Variants in GXYLT1 observed in about 807,000 individuals in gnomAD.
GXYLT1 encodes the protein glucoside xylosyltransferase 1.
A neutral mutation model predicts 54.0 loss-of-function variants in GXYLT1; 29 were observed. The ratio of observed to expected loss-of-function variants is 0.54; its 90% CI spans 0.40 to 0.73. The LOEUF is 0.73. GXYLT1 is among the 30% of genes least tolerant of loss of function. The probability of loss-of-function intolerance (pLI) is 0.00; values close to 1 mark genes in which losing one functional copy is unlikely to be tolerated. For synonymous variants in GXYLT1, 176 were observed against 204.1 expected, an observed-to-expected ratio of 0.86 and a Z score of 1.17; for missense variants, 490 against 553.4, an observed-to-expected ratio of 0.89 and a Z score of 1.15.
chr12:42,123,890 A>C (rs1289780780), intron 2 of GXYLT1, among the ~76,000 whole-genome samples: 1 of 151,926 alleles, frequency 6.6e-6, no homozygotes, highest in African/African-American at 2.4e-5. Context: ...AAGAAAAACA[A>C]CACCTTTTTC....
chr12:42,107,429 G>A (rs960888950), intron 4 of GXYLT1, among the ~76,000 whole-genome samples: 3 of 152,154 alleles, frequency 2.0e-5, no homozygotes, highest in East Asian at 1.9e-4. Context: ...GGTGGCTCAC[G>A]CCTGTAATCC....
At chr12:42,116,478 G>A (rs2065495837) in intron 3 of GXYLT1, among the ~76,000 whole-genome samples, 1 of 152,204 alleles carries the variant, frequency 6.6e-6, no homozygotes, top group Non-Finnish European at 1.5e-5. Flanking sequence ...GATATCAACA[G>A]ACACTTCTCA....
rs2065323005 is a variant in GXYLT1 at position 42,090,415 on chromosome 12, C to G, written c.1162-2468G>C. 3.3e-5 allele frequency among the ~76,000 whole-genome samples: 5 copies of G among 152,290 alleles called. No homozygotes were observed. In the South Asian group the frequency reaches 1.0e-3, roughly 32 times the overall value. The stretch of plus-strand genomic sequence containing the variant: ...ATACTATATACTATGCCTGACTTAT[C>G]CTTACCTTTTCTTCTCTGCCTGGTA... On this transcript the variant is annotated intron_variant, in intron 7 of 7. Transcript: ENST00000398675.
At chr12:42,135,492 G>A (rs967655558) in intron 1 of GXYLT1, among the ~76,000 whole-genome samples, 5 of 152,134 alleles carry the variant, frequency 3.3e-5, no homozygotes, top group Non-Finnish European at 2.9e-5. Context: ...CTGAAAACAT[G>A]TTCACAGAAA....
At chr12:42,134,031 T>C (rs1592126331) in intron 1 of GXYLT1, among the ~76,000 whole-genome samples, 1 of 151,702 alleles carries the variant, frequency 6.6e-6, no homozygotes, top group Admixed American at 6.6e-5. Flanking sequence ...ACCCCATCTC[T>C]ACAAAGAATA....
chr12:42,132,784 G>GT (rs796817205), intron 1 of GXYLT1, among the ~76,000 whole-genome samples: 2,269 of 144,248 alleles, frequency 0.016, 50 homozygotes, highest in African/African-American at 0.052. Context: ...TTTTTGTTTT[G>GT]TTTTTTTTTT....
rs1490260206 is a variant in GXYLT1, at chr12:42,083,574, C to A, written c.*4212G>T. The A allele has an allele frequency of 4.6e-5, 7 of 152,190 alleles. No individual in the cohort carries two copies. Among genetic ancestry groups the A allele is most frequent in the African/African-American group, 1.7e-4 (7 of 41,440 alleles). 9.4% of individuals were successfully genotyped at this position (152,190 alleles called of 1,614,324 possible). A position where few individuals can be genotyped will look rare whatever the true frequency, so the allele number is the denominator to read the frequency against. On this transcript the variant is annotated 3_prime_UTR_variant, in exon 8 of 8. Coordinates refer to ENST00000398675, the MANE Select transcript of GXYLT1 (RefSeq NM_173601.2). ...AAACATCTCAAAGAGGTTCTGACTACTACTAAGGTATTTATTAAATACAAA... is the reference window on the plus strand; with the variant it reads ...AAACATCTCAAAGAGGTTCTGACTAATACTAAGGTATTTATTAAATACAAA...
At chr12:42,104,028 C>T (rs2065404862) in intron 5 of GXYLT1, among the ~76,000 whole-genome samples, 1 of 152,298 alleles carries the variant, frequency 6.6e-6, no homozygotes, top group African/African-American at 2.4e-5. Flanking sequence ...GTGGGAGGAT[C>T]ACATGAGGCC....
At position 42,084,604 on chromosome 12, in the gene GXYLT1, G is replaced by A. The variant is rs928278081; in HGVS notation, c.*3182C>T. ...ATTGTACTTAAAAACCTAAGGCACA[G>A]AGAAGGGTAAATAACATGCCTGAGT... is the stretch of plus-strand genomic sequence containing the variant. On this transcript the variant is annotated 3_prime_UTR_variant, in exon 8 of 8. Transcript: ENST00000398675. The A allele has an allele frequency of 6.6e-6, 1 of 152,284 alleles. No homozygotes were observed. The highest frequency in any genetic ancestry group is 6.5e-5 in the Admixed American group (1 of 15,282). 9.4% of individuals were successfully genotyped at this position (152,284 alleles called of 1,614,324 possible).
chr12:42,104,174 G>A (rs941037107), intron 5 of GXYLT1, among the ~76,000 whole-genome samples: 5 of 151,632 alleles, frequency 3.3e-5, no homozygotes, highest in African/African-American at 1.2e-4. Flanking sequence ...ATCAAATGGT[G>A]TTATATTATC....
intron 1 of GXYLT1, among the ~76,000 whole-genome samples, chr12:42,132,773 G>A (rs1180825257): frequency 1.3e-5 from 2 of 151,480 alleles, no homozygotes; most frequent in Admixed American, 1.3e-4. Flanking sequence ...TGGGGGCAAT[G>A]TTTTTGTTTT....
chr12:42,127,782 A>G (rs2065572023), intron 2 of GXYLT1, among the ~76,000 whole-genome samples: 1 of 152,230 alleles, frequency 6.6e-6, no homozygotes, highest in Non-Finnish European at 1.5e-5. Flanking sequence ...ATTTGCAAAT[A>G]TTCGTAAGAA....
chr12:42,107,690 C>CA lies in GXYLT1; in HGVS notation c.613-1622dup, dbSNP rs1231269033. Among the ~76,000 whole-genome samples the CA allele has an allele frequency of 8.2e-5, 12 of 146,820 alleles. No individual in the cohort carries two copies. The South Asian group carries it at 8.7e-4, about 11-fold the overall frequency. ...TAGGCAATAGAGCAAGACTCTGTCT[C>CA]AAAAAAAAAGGTGTTGGGGGAGGGG... On this transcript the variant is annotated intron_variant, in intron 4 of 7. Coordinates refer to ENST00000398675, the MANE Select transcript of GXYLT1 (RefSeq NM_173601.2).
intron 3 of GXYLT1, among the ~76,000 whole-genome samples, chr12:42,110,824 AT>A (rs1317296801): frequency 1.3e-5 from 2 of 152,244 alleles, no homozygotes; most frequent in African/African-American, 4.8e-5. Context: ...AGTCACTTTC[AT>A]TTAACATATA....
intron 3 of GXYLT1, among the ~76,000 whole-genome samples, chr12:42,111,425 C>G (rs185003129): frequency 1.3e-5 from 2 of 152,310 alleles, no homozygotes; most frequent in East Asian, 3.9e-4. Context: ...CGGGTCACTC[C>G]CACCCTAATA....
rs149759765 is a variant in GXYLT1 at position 42,133,884 on chromosome 12, C to T, written c.222-4033G>A. ...CTTTAAATCCAGTAACTCTTACCTC[C>T]TTTTCCCTTCAGTGAAAAATGGCAA... On this transcript the variant is annotated intron_variant, in intron 1 of 7. Transcript: ENST00000398675. Among the ~76,000 whole-genome samples the T allele has an allele frequency of 1.0e-3, 156 of 152,252 alleles. 1 individual carries two copies. Among genetic ancestry groups the T allele is most frequent in the Middle Eastern group, 3.4e-3 (1 of 294 alleles).
In GXYLT1 at chr12:42,097,210, T is replaced by C. The variant is rs1046013839; in HGVS notation, c.1161+232A>G. On this transcript the variant is annotated intron_variant, in intron 7 of 7. Coordinates refer to ENST00000398675, the MANE Select transcript of GXYLT1 (RefSeq NM_173601.2). ...AGTTTTTAGGGGTAAAAGAACTTAATGTATGCAACTTACAATCAAATTTAA... is the reference window on the plus strand; with the variant it reads ...AGTTTTTAGGGGTAAAAGAACTTAACGTATGCAACTTACAATCAAATTTAA... Among the ~76,000 whole-genome samples, 4 of 151,950 alleles carry C rather than the reference T, an allele frequency of 2.6e-5. No homozygotes were observed. The South Asian group carries it at 6.2e-4, about 24-fold the overall frequency.
At chr12:42,092,401 G>A (rs1325808428) in intron 7 of GXYLT1, among the ~76,000 whole-genome samples, 3 of 152,268 alleles carry the variant, frequency 2.0e-5, no homozygotes, top group Non-Finnish European at 2.9e-5. Flanking sequence ...AGCTAACATG[G>A]ATAGTGATAC....
chr12:42,139,947 C>T (rs766912705), intron 1 of GXYLT1, among the ~76,000 whole-genome samples: 4 of 151,892 alleles, frequency 2.6e-5, no homozygotes, highest in Admixed American at 6.6e-5. Context: ...TTTGGGAAGC[C>T]GAGGTGGGCG....
Sources: allele counts gnomAD v4.1 joint callset (sites outside exome capture counted in the v4.1 genomes callset), GRCh38; gene constraint gnomAD v4.1.1; transcripts MANE v1.5; gene names NCBI Gene and HGNC (gene_info 2026-07-23, HGNC 2026-07-21).